ENTREP2: variants seen among roughly 807,000 people sequenced by gnomAD.
ENTREP2 encodes the protein protein ENTREP2.
chr15:29,666,453 T>G, the ENTREP2 span, among the ~76,000 whole-genome samples: 1 of 151,872 alleles, frequency 6.6e-6, no homozygotes, highest in Non-Finnish European at 1.5e-5. Flanking sequence ...CATGGACAGT[T>G]ACAGTGGCCT....
chr15:29,672,469 AT>A, the ENTREP2 span, among the ~76,000 whole-genome samples: 19 of 149,968 alleles, frequency 1.3e-4, no homozygotes, highest in Middle Eastern at 3.4e-3. Flanking sequence ...TGCATTCTCT[AT>A]TTTTTTTTTC....
chr15:29,325,525 A>G, the ENTREP2 span, among the ~76,000 whole-genome samples: 2 of 152,184 alleles, frequency 1.3e-5, no homozygotes, highest in Non-Finnish European at 2.9e-5. Context: ...TCCTTGAAAC[A>G]TACAAATGAC....
chr15:29,441,503 C>G, the ENTREP2 span, among the ~76,000 whole-genome samples: 2 of 152,218 alleles, frequency 1.3e-5, no homozygotes, highest in African/African-American at 4.8e-5. Flanking sequence ...CAGCATTAAG[C>G]CCGCTGCTCC....
the ENTREP2 span, among the ~76,000 whole-genome samples, chr15:29,233,268 G>A: frequency 6.6e-6 from 1 of 152,160 alleles, no homozygotes; most frequent in African/African-American, 2.4e-5. Flanking sequence ...TACCAGATAA[G>A]TGAGACATAA....
the ENTREP2 span, among the ~76,000 whole-genome samples, chr15:29,493,125 C>CTTTTTTTTTTTTTTTTTTTTTTTTT: frequency 1.2e-5 from 1 of 84,774 alleles, no homozygotes; most frequent in African/African-American, 5.3e-5. Context: ...CCTGACAACC[C>CTTTTTTTTTTTTTTTTTTTTTTTTT]TTTTTTTTTT....
At chr15:29,534,945 T>C in the ENTREP2 span, among the ~76,000 whole-genome samples, 1 of 152,180 alleles carries the variant, frequency 6.6e-6, no homozygotes, top group South Asian at 2.1e-4. Flanking sequence ...TGAAGAACAA[T>C]CCTTAAAAAT....
chr15:29,126,228 G>T, the ENTREP2 span: 1 of 1,415,102 alleles, frequency 7.1e-7, no homozygotes, highest in Non-Finnish European at 9.4e-7. Context: ...AGGAAAGCTG[G>T]CCACACTCTG....
the ENTREP2 span, among the ~76,000 whole-genome samples, chr15:29,491,423 T>C: frequency 6.6e-6 from 1 of 152,204 alleles, no homozygotes; most frequent in South Asian, 2.1e-4. Flanking sequence ...TAGCACATTG[T>C]CACCTCTCAT....
chr15:29,506,901 A>C, the ENTREP2 span, among the ~76,000 whole-genome samples: 2 of 152,218 alleles, frequency 1.3e-5, no homozygotes, highest in Non-Finnish European at 2.9e-5. Flanking sequence ...ATTCCCACAT[A>C]ATAATATTAA....
the ENTREP2 span, among the ~76,000 whole-genome samples, chr15:29,451,187 G>A: frequency 6.6e-6 from 1 of 152,214 alleles, no homozygotes; most frequent in African/African-American, 2.4e-5. Context: ...AGCCTCTGGT[G>A]GCCCCACCCC....
chr15:29,481,126 C>G, the ENTREP2 span, among the ~76,000 whole-genome samples: 1 of 152,188 alleles, frequency 6.6e-6, no homozygotes, highest in Admixed American at 6.5e-5. Context: ...TGACATCAGA[C>G]AGCTACACCA....
At chr15:29,159,331 C>A in the ENTREP2 span, among the ~76,000 whole-genome samples, 1 of 152,088 alleles carries the variant, frequency 6.6e-6, no homozygotes, top group Non-Finnish European at 1.5e-5. Flanking sequence ...AAGCTGCAGA[C>A]CTTCACGGTG....
the ENTREP2 span, among the ~76,000 whole-genome samples, chr15:29,369,869 G>A: frequency 1.3e-5 from 2 of 152,186 alleles, no homozygotes; most frequent in Non-Finnish European, 2.9e-5. Flanking sequence ...GATTAGTTTT[G>A]ATAAGAGTTA....
the ENTREP2 span, among the ~76,000 whole-genome samples, chr15:29,392,244 G>C: frequency 3.3e-5 from 5 of 152,150 alleles, no homozygotes; most frequent in African/African-American, 9.7e-5. Context: ...TTACAGGCGT[G>C]AGCCACTGTG....
chr15:29,586,276 G>A, the ENTREP2 span, among the ~76,000 whole-genome samples: 2 of 152,144 alleles, frequency 1.3e-5, no homozygotes, highest in African/African-American at 4.8e-5. Context: ...CAGAGAGAAG[G>A]AAAATAGATT....
At chr15:29,461,544 C>T in the ENTREP2 span, among the ~76,000 whole-genome samples, 3 of 151,980 alleles carry the variant, frequency 2.0e-5, no homozygotes, top group Admixed American at 6.6e-5. Context: ...AGCAGTGGTG[C>T]GATCTTGGCT....
chr15:29,157,752 T>C, the ENTREP2 span, among the ~76,000 whole-genome samples: 5 of 149,076 alleles, frequency 3.4e-5, no homozygotes, highest in Admixed American at 1.3e-4. Flanking sequence ...TTTTTTGAGA[T>C]GGAGTCTCGC....
At chr15:29,356,046 C>T in the ENTREP2 span, among the ~76,000 whole-genome samples, 1 of 151,728 alleles carries the variant, frequency 6.6e-6, no homozygotes, top group Non-Finnish European at 1.5e-5. Context: ...TTCTCTGTTC[C>T]AATAGCGATG....
the ENTREP2 span, among the ~76,000 whole-genome samples, chr15:29,461,055 T>C: frequency 1.3e-5 from 2 of 151,466 alleles, no homozygotes; most frequent in African/African-American, 4.9e-5. Context: ...AGACAATAAC[T>C]ACGGCATCAA....
Sources: allele counts gnomAD v4.1 joint callset (sites outside exome capture counted in the v4.1 genomes callset), GRCh38; gene constraint gnomAD v4.1.1; transcripts MANE v1.5; gene names NCBI Gene and HGNC (gene_info 2026-07-23, HGNC 2026-07-21).